Variants in FSTL5 observed in about 807,000 individuals in gnomAD.
The protein encoded by FSTL5 is follistatin-related protein 5.
In FSTL5, 62 loss-of-function variants were observed where a neutral mutation model predicts 89.1. That is an observed-to-expected ratio of 0.70 (90% CI 0.57 to 0.86). The LOEUF is 0.86. FSTL5 is among the 40% of genes least tolerant of loss of function. The pLI is 0.00. For synonymous variants in FSTL5, 383 were observed against 346.2 expected, an observed-to-expected ratio of 1.11 and a Z score of -1.18; for missense variants, 1,057 against 1,001.6, an observed-to-expected ratio of 1.06 and a Z score of -0.75.
At chr4:161,869,051 G>A (rs1365876589) in intron 4 of FSTL5, among the ~76,000 whole-genome samples, 6 of 151,938 alleles carry the variant, frequency 3.9e-5, no homozygotes, top group East Asian at 1.9e-4. Context: ...GTGAAACCTC[G>A]TCTCTACAAA....
At chr4:162,089,656 A>AAAGAAAG (rs1553998469) in intron 2 of FSTL5, among the ~76,000 whole-genome samples, 15 of 136,414 alleles carry the variant, frequency 1.1e-4, no homozygotes, top group South Asian at 4.7e-4. Flanking sequence ...AAAAAGAAAA[A>AAAGAAAG]AAAGAAAGAA....
chr4:161,871,371 T>C (rs1732256913), intron 4 of FSTL5, among the ~76,000 whole-genome samples: 1 of 152,116 alleles, frequency 6.6e-6, no homozygotes, highest in South Asian at 2.1e-4. Context: ...GTCTGTTTTG[T>C]AGATAAATTA....
intron 3 of FSTL5, among the ~76,000 whole-genome samples, chr4:161,930,629 G>C (rs1219552299): frequency 1.3e-5 from 2 of 151,618 alleles, no homozygotes; most frequent in African/African-American, 4.8e-5. Context: ...AATTCTGGTT[G>C]CTAGTCACAT....
At chr4:161,470,089 AT>A (rs200168429) in intron 13 of FSTL5, among the ~76,000 whole-genome samples, 17 of 152,180 alleles carry the variant, frequency 1.1e-4, no homozygotes, top group South Asian at 8.3e-4. Context: ...TGAATGAATA[AT>A]TTTTTAAAAA....
chr4:161,541,815 C>T (rs1462378704), intron 9 of FSTL5, among the ~76,000 whole-genome samples: 3 of 151,406 alleles, frequency 2.0e-5, no homozygotes, highest in Non-Finnish European at 4.4e-5. Context: ...TTACCCCTAA[C>T]AATGAAAAAA....
At chr4:161,555,020 T>A (rs1732341987) in intron 8 of FSTL5, among the ~76,000 whole-genome samples, 1 of 151,674 alleles carries the variant, frequency 6.6e-6, no homozygotes, top group Admixed American at 6.6e-5. Context: ...CTGCCTCTTG[T>A]CAATATTACA....
At chr4:161,394,121 A>T (rs1730921347) in intron 15 of FSTL5, among the ~76,000 whole-genome samples, 1 of 152,282 alleles carries the variant, frequency 6.6e-6, no homozygotes, top group South Asian at 2.1e-4. Context: ...TTGACAGCTG[A>T]TAAAGAAAAA....
chr4:162,060,313 T>A (rs1738680044), intron 2 of FSTL5, among the ~76,000 whole-genome samples: 1 of 152,100 alleles, frequency 6.6e-6, no homozygotes, highest in Non-Finnish European at 1.5e-5. Context: ...TCGGTGAAAC[T>A]AAAGCCAACA....
intron 4 of FSTL5, among the ~76,000 whole-genome samples, chr4:161,838,193 C>A (rs1731103940): frequency 1.3e-5 from 2 of 152,138 alleles, no homozygotes; most frequent in African/African-American, 4.8e-5. Flanking sequence ...AATACTGACT[C>A]ACTGGTGTTA....
intron 7 of FSTL5, among the ~76,000 whole-genome samples, chr4:161,593,858 A>C (rs1314761177): frequency 2.6e-5 from 4 of 152,078 alleles, no homozygotes; most frequent in African/African-American, 9.7e-5. Context: ...AAACTCCATA[A>C]CATAACTCCA....
intron 10 of FSTL5, among the ~76,000 whole-genome samples, chr4:161,524,731 G>T (rs776276786): frequency 2.0e-5 from 3 of 152,042 alleles, no homozygotes; most frequent in African/African-American, 7.2e-5. Flanking sequence ...AGGCTGAGAC[G>T]GGCGGATCAC....
chr4:161,505,933 G>A (rs911939922), intron 11 of FSTL5, among the ~76,000 whole-genome samples: 18 of 152,176 alleles, frequency 1.2e-4, no homozygotes, highest in African/African-American at 3.9e-4. Context: ...ATTGCATCAC[G>A]TACTCGCCAT....
chr4:161,437,305 G>C (rs940161287), intron 15 of FSTL5, among the ~76,000 whole-genome samples: 1 of 152,010 alleles, frequency 6.6e-6, no homozygotes, highest in Non-Finnish European at 1.5e-5. Flanking sequence ...AGTGGCTCAC[G>C]CCTGTAATCC....
intron 8 of FSTL5, among the ~76,000 whole-genome samples, chr4:161,556,665 T>C (rs921505976): frequency 6.0e-5 from 9 of 151,158 alleles, no homozygotes; most frequent in African/African-American, 2.2e-4. Flanking sequence ...TTCAACAGAG[T>C]AGATGATAAA....
At chr4:161,970,361 C>A (rs1011317391) in intron 3 of FSTL5, among the ~76,000 whole-genome samples, 1 of 151,918 alleles carries the variant, frequency 6.6e-6, no homozygotes, top group South Asian at 2.1e-4. Context: ...AATATGGAAA[C>A]ACTTTGATTC....
intron 5 of FSTL5, among the ~76,000 whole-genome samples, chr4:161,772,971 C>T (rs1741262823): frequency 6.6e-6 from 1 of 152,118 alleles, no homozygotes; most frequent in African/African-American, 2.4e-5. Flanking sequence ...GTCACCAAAA[C>T]AGCATGGTAC....
intron 5 of FSTL5, among the ~76,000 whole-genome samples, chr4:161,763,802 C>T (rs1201010807): frequency 2.0e-5 from 3 of 152,112 alleles, no homozygotes; most frequent in African/African-American, 7.2e-5. Flanking sequence ...ATGTACATTA[C>T]TTCAAAGACT....
chr4:161,584,356 C>A (rs1473315997), intron 8 of FSTL5, among the ~76,000 whole-genome samples: 5 of 152,178 alleles, frequency 3.3e-5, no homozygotes, highest in Non-Finnish European at 7.3e-5. Context: ...GACTATTCAT[C>A]TTCCAAAGAT....
chr4:161,461,526 A>G (rs1225969997), intron 13 of FSTL5, among the ~76,000 whole-genome samples: 1 of 151,548 alleles, frequency 6.6e-6, no homozygotes, highest in Non-Finnish European at 1.5e-5. Context: ...GCAGAGGAGA[A>G]AAATAAAAGG....
Sources: allele counts gnomAD v4.1 joint callset (sites outside exome capture counted in the v4.1 genomes callset), GRCh38; gene constraint gnomAD v4.1.1; transcripts MANE v1.5; gene names NCBI Gene and HGNC (gene_info 2026-07-23, HGNC 2026-07-21).